The following PDE1C variants were observed in gnomAD, a reference collection of about 807,000 sequenced individuals.
The protein encoded by PDE1C is phosphodiesterase 1C.
PDE1C carries 62 observed loss-of-function variants against 93.1 expected under a neutral mutation model. That is an observed-to-expected ratio of 0.67 (90% CI 0.54 to 0.82). The LOEUF is 0.82. Ranked by LOEUF, PDE1C falls within the 40% of genes least tolerant of loss-of-function variation. PDE1C has a pLI of 0.00. For missense variants in PDE1C, 742 were observed against 884.6 expected, an observed-to-expected ratio of 0.84 and a Z score of 2.04; for synonymous variants, 325 against 310.1, an observed-to-expected ratio of 1.05 and a Z score of -0.50.
rs1193691801 is a variant in PDE1C, at chr7:32,245,297, A to C, written c.86-35758T>G. On this transcript the variant is annotated intron_variant, in intron 1 of 18. Transcript: ENST00000396193. ...ACAGCCCTTCTCTTTGTTTATCTTTAGCTGAAACAACAAAACCCCTAAAAT... is the reference window on the plus strand; with the variant it reads ...ACAGCCCTTCTCTTTGTTTATCTTTCGCTGAAACAACAAAACCCCTAAAAT... 2.6e-5 allele frequency among the ~76,000 whole-genome samples: 4 copies of C among 152,156 alleles called. No individual in the cohort carries two copies. The East Asian group carries it at 7.7e-4, about 29-fold the overall frequency.
the PDE1C span, chr7:31,692,338 CTTAG>C: frequency 1.1e-6 from 1 of 933,228 alleles, no homozygotes; most frequent in Non-Finnish European, 1.7e-6. Flanking sequence ...AATATATTTA[CTTAG>C]CAAATGATTG....
At chr7:32,396,439 C>T (rs1006796134) in intron 1 of PDE1C, among the ~76,000 whole-genome samples, 1 of 151,200 alleles carries the variant, frequency 6.6e-6, no homozygotes, top group African/African-American at 2.4e-5. Context: ...GATCATGCCA[C>T]TGCACTCCAG....
chr7:31,655,555 C>T, the PDE1C span, among the ~76,000 whole-genome samples: 3 of 152,186 alleles, frequency 2.0e-5, no homozygotes, highest in African/African-American at 7.2e-5. Flanking sequence ...AGAGAAATCA[C>T]AGGATCATAC....
In PDE1C at chr7:32,080,132, G is replaced by A. The variant is rs140675070; in HGVS notation, c.308+89653C>T. On this transcript the variant is annotated intron_variant, in intron 3 of 18. Transcript: ENST00000396193. ...CTTATAAGGAGCTAAGTTGTGGCAG[G>A]AGCAATGTGGCAAGGGGAGAGTGGC... 7.7e-4 allele frequency among the ~76,000 whole-genome samples: 118 copies of A among 152,294 alleles called. 3 individuals carry two copies. The highest frequency in any genetic ancestry group is 3.4e-3 in the Middle Eastern group (1 of 294).
chr7:32,119,780 A>G (rs576522210), intron 3 of PDE1C, among the ~76,000 whole-genome samples: 151 of 152,262 alleles, frequency 9.9e-4, no homozygotes, highest in Middle Eastern at 3.4e-3. Flanking sequence ...CCACTCAGGG[A>G]CCCATGCCTC....
intron 1 of PDE1C, among the ~76,000 whole-genome samples, chr7:32,311,274 C>CA (rs535430155): frequency 3.1e-4 from 47 of 151,920 alleles, no homozygotes; most frequent in African/African-American, 1.1e-3. Flanking sequence ...GCTTACCAAC[C>CA]AAAAAAAAGT....
intron 2 of PDE1C, among the ~76,000 whole-genome samples, chr7:31,918,581 G>C (rs1802219041): frequency 6.6e-6 from 1 of 152,162 alleles, no homozygotes; most frequent in Non-Finnish European, 1.5e-5. Flanking sequence ...TCTTTCTGCT[G>C]TTCTGCAGCA....
intron 2 of PDE1C, among the ~76,000 whole-genome samples, chr7:32,005,577 A>AC (rs1293493254): frequency 2.7e-5 from 4 of 146,026 alleles, no homozygotes; most frequent in South Asian, 2.2e-4. Flanking sequence ...AAAAAAAAAA[A>AC]AAAAGAATTG....
chr7:31,897,972 T>A (rs1472228345), intron 2 of PDE1C, among the ~76,000 whole-genome samples: 1 of 152,010 alleles, frequency 6.6e-6, no homozygotes, highest in Non-Finnish European at 1.5e-5. Context: ...CAGGTTTTAT[T>A]TAATACTTTT....
intron 3 of PDE1C, among the ~76,000 whole-genome samples, chr7:31,880,045 T>C (rs2128877664): frequency 1.3e-5 from 2 of 151,848 alleles, no homozygotes; most frequent in African/African-American, 4.8e-5. Context: ...TAGTAAACCA[T>C]ACAAATCTTA....
intron 3 of PDE1C, among the ~76,000 whole-genome samples, chr7:32,087,795 G>A (rs149026374): frequency 1.4e-5 from 2 of 142,196 alleles, no homozygotes; most frequent in African/African-American, 5.2e-5. Flanking sequence ...GGTGGGAATT[G>A]AACAATGAAA....
intron 1 of PDE1C, among the ~76,000 whole-genome samples, chr7:32,276,488 G>T (rs972398817): frequency 2.6e-5 from 4 of 152,138 alleles, no homozygotes; most frequent in Non-Finnish European, 5.9e-5. Flanking sequence ...AAATCCTATA[G>T]TTTAGAGATT....
chr7:32,303,151 C>G (rs949907304), upstream of PDE1C, among the ~76,000 whole-genome samples: 3 of 152,166 alleles, frequency 2.0e-5, no homozygotes, highest in African/African-American at 7.2e-5. Flanking sequence ...CAGCTGGTAT[C>G]TGAAAATCAG....
intron 3 of PDE1C, among the ~76,000 whole-genome samples, chr7:32,113,188 C>T (rs1314999611): frequency 7.3e-6 from 1 of 137,158 alleles, no homozygotes; most frequent in Non-Finnish European, 1.5e-5. Context: ...CCCTGTAGTT[C>T]CACCCGAGGG....
intron 1 of PDE1C, among the ~76,000 whole-genome samples, chr7:32,343,951 T>C (rs1783804868): frequency 6.6e-6 from 1 of 152,258 alleles, no homozygotes; most frequent in African/African-American, 2.4e-5. Context: ...ACATGCTGAA[T>C]TCCTTGTATT....
At chr7:32,412,310 G>A (rs911678331) in intron 1 of PDE1C, among the ~76,000 whole-genome samples, 1 of 151,922 alleles carries the variant, frequency 6.6e-6, no homozygotes, top group Non-Finnish European at 1.5e-5. Flanking sequence ...ACAAAAATTA[G>A]CCAGGCATGG....
intron 17 of PDE1C, among the ~76,000 whole-genome samples, chr7:31,767,479 C>T (rs895419769): frequency 2.0e-5 from 3 of 152,180 alleles, no homozygotes; most frequent in African/African-American, 7.2e-5. Flanking sequence ...TCCCCCTTCA[C>T]CTTCTGCCAT....
At chr7:32,298,354 G>A (rs1046663880) in intron 1 of PDE1C, among the ~76,000 whole-genome samples, 1 of 151,834 alleles carries the variant, frequency 6.6e-6, no homozygotes, top group African/African-American at 2.4e-5. Context: ...CCTTTCCCCC[G>A]GCCTGCCTTA....
chr7:31,979,286 C>T (rs1456754851), intron 2 of PDE1C, among the ~76,000 whole-genome samples: 1 of 152,072 alleles, frequency 6.6e-6, no homozygotes, highest in Non-Finnish European at 1.5e-5. Context: ...TGTTACTTAC[C>T]AACCATGAGA....
Sources: gnomAD v4.1 joint callset for allele counts (sites outside exome capture counted in the v4.1 genomes callset) on GRCh38, gnomAD v4.1.1 for gene constraint, MANE v1.5 for transcripts, NCBI Gene and HGNC (gene_info 2026-07-23, HGNC 2026-07-21) for gene names.